Variants in PPP1R12A observed in about 807,000 individuals in gnomAD.
The protein encoded by PPP1R12A is myosin binding subunit.
In PPP1R12A, 19 loss-of-function variants were observed where a neutral mutation model predicts 139.6. The ratio of observed to expected loss-of-function variants is 0.14; its 90% CI spans 0.09 to 0.20. PPP1R12A has a LOEUF of 0.20. Among genes scored for constraint, PPP1R12A ranks in the 10% least tolerant of loss-of-function variants. PPP1R12A has a pLI of 1.00. For synonymous variants in PPP1R12A, 427 were observed against 420.6 expected (o/e 1.02, Z -0.19); for missense variants, 925 against 1,211.5 (o/e 0.76, Z 3.51).
chr12:79,932,505 T>C (rs940008027), intron 1 of PPP1R12A, among the ~76,000 whole-genome samples: 13 of 152,278 alleles, frequency 8.5e-5, no homozygotes, highest in African/African-American at 2.9e-4. Context: ...AAAAATGTTA[T>C]GGAAAAGGGG....
At chr12:79,798,028 A>T (rs1592629241) in intron 15 of PPP1R12A, among the ~76,000 whole-genome samples, 1 of 152,056 alleles carries the variant, frequency 6.6e-6, no homozygotes, top group East Asian at 1.9e-4. Flanking sequence ...CCTGAATGAC[A>T]TTTTCTTCAT....
intron 1 of PPP1R12A, among the ~76,000 whole-genome samples, chr12:79,921,584 C>A (rs902764961): frequency 6.6e-6 from 1 of 152,172 alleles, no homozygotes; most frequent in African/African-American, 2.4e-5. Context: ...TGTATCTCTA[C>A]TCTACCACTT....
At chr12:79,821,320 G>C (rs11114252) in intron 6 of PPP1R12A, among the ~76,000 whole-genome samples, 154 bp from the exon 7 acceptor site, 1 of 152,108 alleles carries the variant, frequency 6.6e-6, no homozygotes, top group Non-Finnish European at 1.5e-5. Flanking sequence ...AAAGGAAAGA[G>C]CTTGAATAAA....
In PPP1R12A at chr12:79,775,770, T is replaced by C; in HGVS notation, c.*159A>G. 6 of 445,634 alleles carry C rather than the reference T, an allele frequency of 1.3e-5. No homozygotes were observed. Among genetic ancestry groups the C allele is most frequent in the Non-Finnish European group, 1.9e-5 (5 of 258,664 alleles). The allele number at this position is 445,634 out of a possible 1,614,324, so 27.6% of individuals were successfully genotyped here. A position where few individuals can be genotyped will look rare whatever the true frequency, so the allele number is the denominator to read the frequency against. On this transcript the variant is annotated 3_prime_UTR_variant, in exon 25 of 25. Transcript: ENST00000450142. ...CAACAACAAAAACACCCCAGAAAATTAAACAAAATGAAACAAAAATTCTAG... is the reference window on the plus strand; with the variant it reads ...CAACAACAAAAACACCCCAGAAAATCAAACAAAATGAAACAAAAATTCTAG...
Position 79,808,052 on chromosome 12 carries a change from A to G in PPP1R12A, c.1550+431T>C, listed in dbSNP as rs189490324. ...CTCTGTCTCAAAAAAAATAAAAATAAAAATAAAAATAATTAAATTAAAAAA... is the reference window on the plus strand; with the variant it reads ...CTCTGTCTCAAAAAAAATAAAAATAGAAATAAAAATAATTAAATTAAAAAA... On this transcript the variant is annotated intron_variant, in intron 11 of 24. Coordinates refer to ENST00000450142, the MANE Select transcript of PPP1R12A (RefSeq NM_002480.3). Among the ~76,000 whole-genome samples, 36 of 151,766 alleles carry G rather than the reference A, an allele frequency of 2.4e-4. No homozygotes were observed. In the East Asian group the frequency reaches 6.8e-3, roughly 29 times the overall value.
chr12:79,892,973 G>A (rs780401791), intron 1 of PPP1R12A, among the ~76,000 whole-genome samples: 4 of 151,912 alleles, frequency 2.6e-5, no homozygotes, highest in Non-Finnish European at 2.9e-5. Flanking sequence ...GAGTGGTGGC[G>A]AGTGCCTGTA....
chr12:79,934,331 A>G (rs191395186), intron 1 of PPP1R12A, among the ~76,000 whole-genome samples: 33 of 152,132 alleles, frequency 2.2e-4, no homozygotes, highest in African/African-American at 6.7e-4. Context: ...CCCTCCGAAT[A>G]TACCACTGAC....
intron 1 of PPP1R12A, among the ~76,000 whole-genome samples, chr12:79,907,675 G>T (rs910367998): frequency 3.9e-5 from 6 of 152,186 alleles, no homozygotes; most frequent in African/African-American, 1.4e-4. Context: ...AAGGCAGGAG[G>T]ATCACTTGAG....
intron 8 of PPP1R12A, among the ~76,000 whole-genome samples, chr12:79,817,774 C>A (rs1180733869): frequency 2.0e-5 from 3 of 152,080 alleles, no homozygotes; most frequent in Non-Finnish European, 4.4e-5. Context: ...TAGAATCTGA[C>A]TTCTGTACTT....
chr12:79,794,335 T>C (rs948557382), intron 18 of PPP1R12A, among the ~76,000 whole-genome samples: 2 of 152,094 alleles, frequency 1.3e-5, no homozygotes, highest in African/African-American at 4.8e-5. Context: ...AAGTTGAATA[T>C]ATATTTTGTC....
At chr12:79,794,865 T>A (rs929460769) in intron 18 of PPP1R12A, among the ~76,000 whole-genome samples, 1 of 152,110 alleles carries the variant, frequency 6.6e-6, no homozygotes, top group Non-Finnish European at 1.5e-5. Flanking sequence ...ATAACAGTTA[T>A]AAAATTTATA....
intron 1 of PPP1R12A, among the ~76,000 whole-genome samples, chr12:79,931,838 G>A (rs561071106): frequency 2.8e-4 from 42 of 152,060 alleles, no homozygotes; most frequent in Non-Finnish European, 5.7e-4. Context: ...ACTAAGATAG[G>A]AAATTTGACA....
chr12:79,901,941 G>A (rs1218828216), intron 1 of PPP1R12A, among the ~76,000 whole-genome samples: 3 of 152,236 alleles, frequency 2.0e-5, no homozygotes, highest in Admixed American at 6.5e-5. Context: ...TGAGGATAAG[G>A]GATGGAAAGA....
At chr12:79,901,549 C>A (rs570644893) in intron 1 of PPP1R12A, among the ~76,000 whole-genome samples, 1 of 151,896 alleles carries the variant, frequency 6.6e-6, no homozygotes, top group South Asian at 2.1e-4. Context: ...TGCACAGCTT[C>A]CTTAAAGGTA....
At chr12:79,860,428 GTAC>G in intron 2 of PPP1R12A, among the ~76,000 whole-genome samples, 1 of 152,206 alleles carries the variant, frequency 6.6e-6, no homozygotes, top group East Asian at 1.9e-4. Flanking sequence ...ACACAGTGGA[GTAC>G]TACAACTGAA....
intron 1 of PPP1R12A, among the ~76,000 whole-genome samples, chr12:79,924,740 T>G (rs1204338813): frequency 2.0e-5 from 3 of 152,170 alleles, no homozygotes; most frequent in Non-Finnish European, 4.4e-5. Flanking sequence ...CACCGAAATC[T>G]TTTGCAGAAA....
chr12:79,776,613 A>G (rs189835310), intron 24 of PPP1R12A, among the ~76,000 whole-genome samples: 50 of 152,304 alleles, frequency 3.3e-4, no homozygotes, highest in African/African-American at 1.2e-3. Context: ...CATCATGTTT[A>G]AGCTAAAGTA....
chr12:79,891,459 T>C (rs1358660672), intron 1 of PPP1R12A, among the ~76,000 whole-genome samples: 3 of 152,112 alleles, frequency 2.0e-5, no homozygotes, highest in Non-Finnish European at 2.9e-5. Flanking sequence ...GAAAGGGAGA[T>C]AACAAGCAGC....
At chr12:79,909,948 C>T (rs2137519501) in intron 1 of PPP1R12A, among the ~76,000 whole-genome samples, 1 of 151,970 alleles carries the variant, frequency 6.6e-6, no homozygotes, top group East Asian at 2.0e-4. Flanking sequence ...GATCCGCCCG[C>T]CTTAGCCTCC....
Sources: gnomAD v4.1 joint callset for allele counts (sites outside exome capture counted in the v4.1 genomes callset) on GRCh38, gnomAD v4.1.1 for gene constraint, MANE v1.5 for transcripts, NCBI Gene and HGNC (gene_info 2026-07-23, HGNC 2026-07-21) for gene names.